Variants in UNC5D observed in about 807,000 individuals in gnomAD.
UNC5D encodes the protein unc-5 netrin receptor D.
Under a neutral mutation model 105.4 loss-of-function variants are expected in UNC5D, and 39 were observed. The ratio of observed to expected loss-of-function variants is 0.37; its 90% CI spans 0.29 to 0.48. The LOEUF (loss-of-function observed/expected upper bound fraction) is 0.48, where lower values mean the gene tolerates loss of function less well. Among genes scored for constraint, UNC5D ranks in the 20% least tolerant of loss-of-function variants. The pLI is 0.98. For missense variants in UNC5D, 991 were observed against 1,202.4 expected (o/e 0.82, Z 2.60); for synonymous variants, 452 against 450.4 (o/e 1.00, Z -0.04).
chr8:35,712,274 A>C (rs1488538153), intron 8 of UNC5D, among the ~76,000 whole-genome samples: 3 of 152,218 alleles, frequency 2.0e-5, no homozygotes, highest in Non-Finnish European at 4.4e-5. Flanking sequence ...CCATTTCAAA[A>C]AGAAAGAAAA....
intron 2 of UNC5D, among the ~76,000 whole-genome samples, chr8:35,564,025 G>A (rs1817150505): frequency 6.6e-6 from 1 of 152,088 alleles, no homozygotes; most frequent in East Asian, 1.9e-4. Flanking sequence ...GTATTTCATT[G>A]AGGATCTGTG....
intron 1 of UNC5D, among the ~76,000 whole-genome samples, chr8:35,388,838 G>A (rs1188128270): frequency 6.6e-6 from 1 of 152,174 alleles, no homozygotes; most frequent in Non-Finnish European, 1.5e-5. Flanking sequence ...GTTCCAGAAT[G>A]CATTGAATAA....
At chr8:35,257,453 C>G (rs530856850) in intron 1 of UNC5D, among the ~76,000 whole-genome samples, 58 of 152,282 alleles carry the variant, frequency 3.8e-4, no homozygotes, top group African/African-American at 1.3e-3. Context: ...TGACTGGACT[C>G]TAACTCTCAC....
Position 35,441,624 on chromosome 8 carries a change from G to C in UNC5D, c.104-107668G>C, listed in dbSNP as rs573411895. ...AGTTAAGAAACTGAGTATGTTAGACGTGGGTCACTGGCTTTCAAAGTGATT... is the reference window on the plus strand; with the variant it reads ...AGTTAAGAAACTGAGTATGTTAGACCTGGGTCACTGGCTTTCAAAGTGATT... On this transcript the variant is annotated intron_variant, in intron 1 of 16. Transcript: ENST00000404895. Among the ~76,000 whole-genome samples the C allele has an allele frequency of 2.0e-5, 3 of 151,842 alleles. No individual in the cohort carries two copies. In the East Asian group the frequency reaches 5.8e-4, roughly 30 times the overall value.
intron 4 of UNC5D, among the ~76,000 whole-genome samples, chr8:35,633,224 T>A (rs1238251700): frequency 6.6e-6 from 1 of 152,230 alleles, no homozygotes. Context: ...AACACAACTC[T>A]ACAATGCTTA....
At chr8:35,651,269 C>T (rs976259998) in intron 4 of UNC5D, among the ~76,000 whole-genome samples, 3 of 151,942 alleles carry the variant, frequency 2.0e-5, no homozygotes, top group Non-Finnish European at 4.4e-5. Flanking sequence ...TATGTAAATA[C>T]AGGGAACTAA....
chr8:35,499,191 G>A (rs900666173), intron 1 of UNC5D, among the ~76,000 whole-genome samples: 4 of 152,290 alleles, frequency 2.6e-5, no homozygotes, highest in African/African-American at 9.6e-5. Flanking sequence ...TATGATCAGG[G>A]CAAGATTCAG....
intron 4 of UNC5D, among the ~76,000 whole-genome samples, chr8:35,626,488 A>G (rs968872029): frequency 2.6e-5 from 4 of 152,220 alleles, no homozygotes; most frequent in African/African-American, 7.2e-5. Context: ...CCATGCTCCT[A>G]GGCTAGAAAT....
At chr8:35,589,873 T>C (rs1016942903) in intron 3 of UNC5D, among the ~76,000 whole-genome samples, 2 of 152,194 alleles carry the variant, frequency 1.3e-5, no homozygotes, top group African/African-American at 4.8e-5. Flanking sequence ...ACTGTTCATC[T>C]ATGAACTTTT....
intron 3 of UNC5D, among the ~76,000 whole-genome samples, chr8:35,581,627 G>T (rs1056713534): frequency 3.3e-5 from 5 of 152,078 alleles, no homozygotes; most frequent in African/African-American, 1.2e-4. Context: ...TTAACACAAA[G>T]AAATAATAAA....
intron 3 of UNC5D, among the ~76,000 whole-genome samples, chr8:35,569,960 C>A (rs559173686): frequency 6.6e-6 from 1 of 152,282 alleles, no homozygotes; most frequent in African/African-American, 2.4e-5. Context: ...ATAGCTTCTC[C>A]CTGATCTCTG....
intron 1 of UNC5D, among the ~76,000 whole-genome samples, chr8:35,284,594 G>A (rs1199446554): frequency 3.3e-5 from 5 of 151,868 alleles, no homozygotes; most frequent in African/African-American, 7.3e-5. Flanking sequence ...TCACTCTGTC[G>A]CCCAGGCTGC....
At chr8:35,420,742 C>CA (rs1563401066) in intron 1 of UNC5D, among the ~76,000 whole-genome samples, 1 of 148,926 alleles carries the variant, frequency 6.7e-6, no homozygotes, top group Non-Finnish European at 1.5e-5. Context: ...ATACCATGGG[C>CA]TTTTTTTTTT....
At chr8:35,652,587 C>G (rs1315528678) in intron 4 of UNC5D, among the ~76,000 whole-genome samples, 3 of 151,424 alleles carry the variant, frequency 2.0e-5, no homozygotes, top group Non-Finnish European at 4.4e-5. Flanking sequence ...TTTTGTTTTC[C>G]CCAGAGAGAA....
At chr8:35,300,446 C>CAAAAAAAAAAAA (rs752599540) in intron 1 of UNC5D, among the ~76,000 whole-genome samples, 2 of 58,416 alleles carry the variant, frequency 3.4e-5, no homozygotes, top group African/African-American at 1.3e-4. Context: ...GACTCCCTCT[C>CAAAAAAAAAAAA]AAAAAAAAAA....
At chr8:35,394,068 G>A (rs1406695545) in intron 1 of UNC5D, among the ~76,000 whole-genome samples, 2 of 150,752 alleles carry the variant, frequency 1.3e-5, no homozygotes, top group Non-Finnish European at 2.9e-5. Flanking sequence ...GACCCTAGGA[G>A]TTTACATGAC....
At chr8:35,444,776 T>G (rs1807666212) in intron 1 of UNC5D, among the ~76,000 whole-genome samples, 1 of 152,016 alleles carries the variant, frequency 6.6e-6, no homozygotes, top group African/African-American at 2.4e-5. Context: ...CTCTGAAAAC[T>G]ATTAGAATTC....
chr8:35,371,738 CTG>C (rs1263827802), intron 1 of UNC5D, among the ~76,000 whole-genome samples: 1 of 152,168 alleles, frequency 6.6e-6, no homozygotes. Context: ...TCCTACAATT[CTG>C]GGTCCTAGAG....
chr8:35,670,580 A>ACAT (rs1824719449), intron 4 of UNC5D, among the ~76,000 whole-genome samples: 4 of 152,092 alleles, frequency 2.6e-5, no homozygotes, highest in Admixed American at 2.6e-4. Flanking sequence ...GAGCTGGAAG[A>ACAT]CATTATCCTC....
Sources: gnomAD v4.1 joint callset for allele counts (sites outside exome capture counted in the v4.1 genomes callset) on GRCh38, gnomAD v4.1.1 for gene constraint, MANE v1.5 for transcripts, NCBI Gene and HGNC (gene_info 2026-07-23, HGNC 2026-07-21) for gene names.